Variants in RBFOX1 observed in about 807,000 individuals in gnomAD.
The protein encoded by RBFOX1 is RNA binding protein fox-1 homolog 1.
Under a neutral mutation model 57.7 loss-of-function variants are expected in RBFOX1, and 8 were observed. That is an observed-to-expected ratio of 0.14 (90% CI 0.08 to 0.25). The LOEUF is 0.25. Among genes scored for constraint, RBFOX1 ranks in the 10% least tolerant of loss-of-function variants. RBFOX1 has a pLI of 1.00. For missense variants in RBFOX1, 611 were observed against 548.5 expected (o/e 1.11, Z -1.14); for synonymous variants, 326 against 222.4 (o/e 1.47, Z -4.15).
chr16:7,260,781 C>T (rs2094888617), intron 4 of RBFOX1, among the ~76,000 whole-genome samples: 1 of 152,112 alleles, frequency 6.6e-6, no homozygotes, highest in South Asian at 2.1e-4. Flanking sequence ...CCCTAGGCTG[C>T]CGAACAGCAG....
At chr16:6,615,585 C>T (rs920731320) in intron 2 of RBFOX1, among the ~76,000 whole-genome samples, 3 of 151,792 alleles carry the variant, frequency 2.0e-5, no homozygotes, top group African/African-American at 7.3e-5. Context: ...AAAAAAAAAT[C>T]CTCTGTCCCA....
At chr16:5,731,007 A>G (rs1208891997) in intron 3 of RBFOX1, among the ~76,000 whole-genome samples, 4 of 148,532 alleles carry the variant, frequency 2.7e-5, no homozygotes, top group South Asian at 2.1e-4. Context: ...TACCACTGCC[A>G]TTATCACCAA....
At chr16:5,979,810 C>G (rs1048982376) in intron 4 of RBFOX1, among the ~76,000 whole-genome samples, 1 of 151,882 alleles carries the variant, frequency 6.6e-6, no homozygotes, top group African/African-American at 2.4e-5. Context: ...TGCAGTGCGC[C>G]GAGATCGTAC....
intron 4 of RBFOX1, among the ~76,000 whole-genome samples, chr16:7,291,999 T>TATATATA (rs71147680): frequency 0.92 from 123,639 of 134,292 alleles, 56,889 homozygotes; most frequent in East Asian, 0.99. Context: ...TATGATGTAT[T>TATATATA]ATATGTATTA....
chr16:6,564,338 T>C (rs1440511092), intron 2 of RBFOX1, among the ~76,000 whole-genome samples: 3 of 152,010 alleles, frequency 2.0e-5, no homozygotes, highest in Non-Finnish European at 4.4e-5. Flanking sequence ...ATTATTCAGC[T>C]ATAAAAAGAA....
chr16:7,547,616 T>C (rs1395193608), intron 5 of RBFOX1, among the ~76,000 whole-genome samples: 1 of 152,234 alleles, frequency 6.6e-6, no homozygotes, highest in Non-Finnish European at 1.5e-5. Context: ...GAATCAGGAT[T>C]GAGGCAGGCA....
At chr16:7,134,452 T>G (rs2058971970) in intron 4 of RBFOX1, among the ~76,000 whole-genome samples, 1 of 152,220 alleles carries the variant, frequency 6.6e-6, no homozygotes, top group South Asian at 2.1e-4. Context: ...TTGATATGTT[T>G]TCATGCATTT....
intron 2 of RBFOX1, among the ~76,000 whole-genome samples, chr16:5,546,911 T>G (rs1306916780): frequency 6.6e-6 from 1 of 152,136 alleles, no homozygotes; most frequent in East Asian, 1.9e-4. Flanking sequence ...AACTCGATAA[T>G]AAGACAATAC....
chr16:5,378,521 T>C (rs1317085660), intron 1 of RBFOX1, among the ~76,000 whole-genome samples: 2 of 151,476 alleles, frequency 1.3e-5, no homozygotes, highest in Non-Finnish European at 2.9e-5. Context: ...TTTCGTTCTG[T>C]GAATAGCCTC....
intron 3 of RBFOX1, among the ~76,000 whole-genome samples, chr16:7,013,683 T>G (rs1447188328): frequency 6.6e-6 from 1 of 152,214 alleles, no homozygotes; most frequent in Admixed American, 6.5e-5. Flanking sequence ...TAAGAGAGAC[T>G]GTTTTTCTCT....
At chr16:6,824,497 T>C (rs1293777665) in intron 3 of RBFOX1, among the ~76,000 whole-genome samples, 5 of 152,210 alleles carry the variant, frequency 3.3e-5, no homozygotes, top group Admixed American at 1.3e-4. Flanking sequence ...TTGTAGTAAA[T>C]TCTATATTTC....
chr16:7,345,061 G>T (rs2096968897), intron 4 of RBFOX1, among the ~76,000 whole-genome samples: 1 of 151,898 alleles, frequency 6.6e-6, no homozygotes, highest in Non-Finnish European at 1.5e-5. Flanking sequence ...GCACTGCTGG[G>T]ACTGGGTCTT....
chr16:6,361,875 C>T (rs1472416218), intron 2 of RBFOX1, among the ~76,000 whole-genome samples: 1 of 152,088 alleles, frequency 6.6e-6, no homozygotes, highest in East Asian at 1.9e-4. Flanking sequence ...AAGAACCTTT[C>T]ATTTGTTTAT....
At chr16:6,729,636 C>A (rs777181578) in intron 3 of RBFOX1, among the ~76,000 whole-genome samples, 1 of 152,024 alleles carries the variant, frequency 6.6e-6, no homozygotes, top group Non-Finnish European at 1.5e-5. Context: ...GTAGAAAGTA[C>A]CTCATTCTCT....
intron 1 of RBFOX1, among the ~76,000 whole-genome samples, chr16:5,426,300 A>T (rs2067556870): frequency 6.6e-6 from 1 of 152,132 alleles, no homozygotes; most frequent in African/African-American, 2.4e-5. Context: ...CCCATTCCTG[A>T]TCTGATTCAG....
At chr16:5,990,491 C>T (rs552675360) in intron 4 of RBFOX1, among the ~76,000 whole-genome samples, 1 of 152,314 alleles carries the variant, frequency 6.6e-6, no homozygotes, top group African/African-American at 2.4e-5. Context: ...TGACCTATTC[C>T]ATTTCTTTCT....
intron 3 of RBFOX1, among the ~76,000 whole-genome samples, chr16:7,035,218 T>A (rs2044042154): frequency 6.6e-6 from 1 of 151,842 alleles, no homozygotes; most frequent in African/African-American, 2.4e-5. Flanking sequence ...TCACTTTGAG[T>A]GTTAAGATCC....
intron 9 of RBFOX1, among the ~76,000 whole-genome samples, chr16:7,604,418 C>CTT (rs890865020): frequency 6.6e-6 from 1 of 152,178 alleles, no homozygotes; most frequent in Non-Finnish European, 1.5e-5. Flanking sequence ...GTAGAGGAGA[C>CTT]TTTATCAATT....
chr16:6,854,664 G>T (rs1603632666), intron 3 of RBFOX1, among the ~76,000 whole-genome samples: 1 of 141,988 alleles, frequency 7.0e-6, no homozygotes, highest in East Asian at 2.1e-4. Flanking sequence ...GCGCTATCTG[G>T]GCTCACTGCA....
Sources: gnomAD v4.1 joint callset for allele counts (sites outside exome capture counted in the v4.1 genomes callset) on GRCh38, gnomAD v4.1.1 for gene constraint, MANE v1.5 for transcripts, NCBI Gene and HGNC (gene_info 2026-07-23, HGNC 2026-07-21) for gene names.